The following BMAL1 variants were observed in gnomAD, a reference collection of about 807,000 sequenced individuals.
The protein encoded by BMAL1 is basic helix-loop-helix ARNT like 1.
chr11:13,277,641 G>C, the BMAL1 span: 1 of 152,036 alleles, frequency 6.6e-6, no homozygotes, highest in Middle Eastern at 3.4e-3. Context: ...GCTCCCTTCG[G>C]GCGTTCGGAT....
the BMAL1 span, among the ~76,000 whole-genome samples, chr11:13,349,242 G>A: frequency 6.6e-6 from 1 of 152,254 alleles, no homozygotes; most frequent in Non-Finnish European, 1.5e-5. Flanking sequence ...CGCTTCAGCA[G>A]TTAGTTTCAG....
chr11:13,370,725 C>G, the BMAL1 span, among the ~76,000 whole-genome samples: 9 of 152,220 alleles, frequency 5.9e-5, no homozygotes, highest in African/African-American at 1.9e-4. Context: ...TCCCCACCCC[C>G]AACACAGCAG....
At chr11:13,381,554 T>TAA in the BMAL1 span, among the ~76,000 whole-genome samples, 2 of 152,166 alleles carry the variant, frequency 1.3e-5, no homozygotes, top group African/African-American at 4.8e-5. Flanking sequence ...GAGGGAAAGA[T>TAA]TATTGAGTAC....
At chr11:13,309,378 C>T in the BMAL1 span, among the ~76,000 whole-genome samples, 1 of 152,082 alleles carries the variant, frequency 6.6e-6, no homozygotes, top group Non-Finnish European at 1.5e-5. Context: ...TTGGGCCTGC[C>T]TTCTTAGATT....
chr11:13,336,190 C>A, the BMAL1 span, among the ~76,000 whole-genome samples: 1 of 152,178 alleles, frequency 6.6e-6, no homozygotes, highest in African/African-American at 2.4e-5. Flanking sequence ...TTTGATGTTT[C>A]CCCTGTCCCT....
At chr11:13,319,475 A>T in the BMAL1 span, among the ~76,000 whole-genome samples, 1 of 152,330 alleles carries the variant, frequency 6.6e-6, no homozygotes, top group East Asian at 1.9e-4. Flanking sequence ...GCATCCCATT[A>T]TGGCTTTGCT....
the BMAL1 span, among the ~76,000 whole-genome samples, chr11:13,364,708 C>CT: frequency 1.1e-4 from 17 of 152,318 alleles, no homozygotes; most frequent in East Asian, 3.1e-3. Context: ...TATTTACCTG[C>CT]TTCAGTCTCT....
At chr11:13,284,118 A>ATG in the BMAL1 span, among the ~76,000 whole-genome samples, 2 of 95,122 alleles carry the variant, frequency 2.1e-5, no homozygotes, top group Non-Finnish European at 4.0e-5. Context: ...GTGTATATAT[A>ATG]TGTGTGTGTG....
the BMAL1 span, chr11:13,374,265 A>G: frequency 2.1e-6 from 3 of 1,448,226 alleles, no homozygotes; most frequent in Non-Finnish European, 9.6e-7. Context: ...ACTAGTCAAC[A>G]TGACCTTCCA....
At chr11:13,374,834 GAC>G in the BMAL1 span, among the ~76,000 whole-genome samples, 1 of 152,150 alleles carries the variant, frequency 6.6e-6, no homozygotes, top group Non-Finnish European at 1.5e-5. Flanking sequence ...TCCTGCTTTA[GAC>G]TCAAGCCCAA....
At chr11:13,336,430 A>T in the BMAL1 span, among the ~76,000 whole-genome samples, 1 of 151,990 alleles carries the variant, frequency 6.6e-6, no homozygotes, top group Non-Finnish European at 1.5e-5. Flanking sequence ...AGTCAGACTG[A>T]CTCTGGGAGC....
At chr11:13,322,306 C>G in the BMAL1 span, among the ~76,000 whole-genome samples, 1 of 152,122 alleles carries the variant, frequency 6.6e-6, no homozygotes, top group Non-Finnish European at 1.5e-5. Flanking sequence ...TCATTAGGTA[C>G]AATGTTCATT....
chr11:13,386,777 A>G, the BMAL1 span: 2 of 1,611,774 alleles, frequency 1.2e-6, no homozygotes, highest in East Asian at 4.5e-5. Flanking sequence ...TTGCTTTGGC[A>G]ACAGCTATAG....
chr11:13,315,955 A>G, the BMAL1 span, among the ~76,000 whole-genome samples: 3 of 152,070 alleles, frequency 2.0e-5, no homozygotes, highest in Non-Finnish European at 2.9e-5. Flanking sequence ...CCTCACTTCC[A>G]TGGTTCTGCA....
chr11:13,362,558 C>G, the BMAL1 span, among the ~76,000 whole-genome samples: 1 of 152,144 alleles, frequency 6.6e-6, no homozygotes, highest in Non-Finnish European at 1.5e-5. Context: ...GTTCTAGGAA[C>G]ATCCAAATCA....
chr11:13,281,482 C>T, the BMAL1 span, among the ~76,000 whole-genome samples: 2 of 152,186 alleles, frequency 1.3e-5, no homozygotes. Flanking sequence ...ATCTGCCCAT[C>T]CTTATTCCTG....
the BMAL1 span, among the ~76,000 whole-genome samples, chr11:13,339,037 G>A: frequency 6.6e-6 from 1 of 152,180 alleles, no homozygotes; most frequent in Non-Finnish European, 1.5e-5. Context: ...GGTGTACAGG[G>A]ACCTCTTCCT....
At chr11:13,352,417 G>A in the BMAL1 span, among the ~76,000 whole-genome samples, 1 of 152,102 alleles carries the variant, frequency 6.6e-6, no homozygotes, top group Non-Finnish European at 1.5e-5. Flanking sequence ...CAGACACAAC[G>A]TAAGACAGAG....
the BMAL1 span, among the ~76,000 whole-genome samples, chr11:13,370,527 G>A: frequency 6.6e-6 from 1 of 152,248 alleles, no homozygotes; most frequent in Non-Finnish European, 1.5e-5. Flanking sequence ...GCTAGAAGCC[G>A]GGGAGGTGCC....
Sources: allele counts gnomAD v4.1 joint callset (sites outside exome capture counted in the v4.1 genomes callset), GRCh38; gene constraint gnomAD v4.1.1; transcripts MANE v1.5; gene names NCBI Gene and HGNC (gene_info 2026-07-23, HGNC 2026-07-21).